The following HDAC8 variants were observed in gnomAD, a reference collection of about 807,000 sequenced individuals.
HDAC8 encodes histone deacetylase 8.
HDAC8 carries 1 observed loss-of-function variant against 32.2 expected under a neutral mutation model. The observed-to-expected ratio is 0.03, with a 90% CI of 0.01 to 0.15. The LOEUF is 0.15. HDAC8 is among the 10% of genes least tolerant of loss of function. The pLI, the probability that HDAC8 is intolerant of heterozygous loss-of-function variation, is 1.00. For synonymous variants in HDAC8, 108 were observed against 113.9 expected (o/e 0.95, Z 0.33); for missense variants, 117 against 300.0 (o/e 0.39, Z 4.51).
At chrX:72,547,208 A>G in intron 4 of HDAC8, among the ~76,000 whole-genome samples, 1 of 111,430 alleles carries the variant, frequency 9.0e-6, no homozygotes. Flanking sequence ...TTCACACTTC[A>G]GTACCTATCT....
rs781947250 is a variant in HDAC8 at position 72,329,695 on chromosome X, G to A, written c.*359C>T. ...CCTCCTGCCCTACAAACTGGTGACT[G>A]CTCTCATCCAGCTTCTGATCTGTTT... On this transcript the variant is annotated 3_prime_UTR_variant, in exon 11 of 11. Coordinates refer to ENST00000373573, the MANE Select transcript of HDAC8 (RefSeq NM_018486.3). The A allele has an allele frequency of 2.5e-6, 3 of 1,188,953 alleles. No individual in the cohort carries two copies. The South Asian group carries it at 5.6e-5, about 22-fold the overall frequency.
At chrX:72,396,407 G>A (rs2045763002) in intron 9 of HDAC8, among the ~76,000 whole-genome samples, 1 of 112,357 alleles carries the variant, frequency 8.9e-6, no homozygotes, top group South Asian at 3.7e-4. Flanking sequence ...GGGAGACTGT[G>A]TCTCTAAAGG....
At chrX:72,547,353 C>T (rs782597841) in intron 4 of HDAC8, among the ~76,000 whole-genome samples, 1 of 107,855 alleles carries the variant, frequency 9.3e-6, no homozygotes, top group East Asian at 2.9e-4. Context: ...TCAGCTGAAT[C>T]AACTGGAGCC....
At chrX:72,475,891 C>T (rs893789555) in intron 7 of HDAC8, among the ~76,000 whole-genome samples, 1 of 111,363 alleles carries the variant, frequency 9.0e-6, no homozygotes, top group South Asian at 3.8e-4. Flanking sequence ...ATTTTCGTAA[C>T]GTAATTTCTT....
chrX:72,429,483 T>C (rs1569291068), intron 9 of HDAC8, among the ~76,000 whole-genome samples: 1 of 112,237 alleles, frequency 8.9e-6, no homozygotes, highest in East Asian at 2.8e-4. Flanking sequence ...TCTTTTGCTA[T>C]TGGGCTAGGC....
At chrX:72,433,953 A>T (rs2046885247) in intron 9 of HDAC8, among the ~76,000 whole-genome samples, 1 of 112,422 alleles carries the variant, frequency 8.9e-6, no homozygotes, top group African/African-American at 3.2e-5. Context: ...AATAAATGTT[A>T]ATTCTTTTCT....
intron 4 of HDAC8, among the ~76,000 whole-genome samples, chrX:72,538,356 T>A (rs950550437): frequency 4.3e-4 from 47 of 109,954 alleles, no homozygotes; most frequent in African/African-American, 1.4e-3. Flanking sequence ...GTTAATTTTT[T>A]AATTTTTAGT....
chrX:72,439,769 G>C (rs782144207), intron 9 of HDAC8, among the ~76,000 whole-genome samples: 1 of 110,937 alleles, frequency 9.0e-6, no homozygotes, highest in East Asian at 2.8e-4. Flanking sequence ...AAAAAGAAGA[G>C]CTAACTATCC....
chrX:72,453,072 GA>G (rs782690634), intron 9 of HDAC8, among the ~76,000 whole-genome samples: 1 of 106,883 alleles, frequency 9.4e-6, no homozygotes, highest in South Asian at 4.1e-4. Context: ...GTGTACTGCA[GA>G]ATAAAAGATC....
intron 9 of HDAC8, among the ~76,000 whole-genome samples, chrX:72,429,910 A>AG (rs2046764764): frequency 8.9e-6 from 1 of 112,038 alleles, no homozygotes; most frequent in Admixed American, 9.5e-5. Flanking sequence ...TGCAGAAATG[A>AG]GGGCTTGGAA....
intron 4 of HDAC8, among the ~76,000 whole-genome samples, chrX:72,499,927 AT>A (rs1174434567): frequency 1.8e-5 from 2 of 111,731 alleles, no homozygotes; most frequent in African/African-American, 6.5e-5. Context: ...AATAAACACA[AT>A]TAGAAATGAT....
intron 9 of HDAC8, among the ~76,000 whole-genome samples, chrX:72,368,396 C>T (rs782019495): frequency 5.9e-5 from 6 of 101,397 alleles, no homozygotes; most frequent in East Asian, 3.1e-4. Context: ...CTCACTCTGT[C>T]GCCAGGCTGG....
chrX:72,501,999 G>A (rs1028052877), intron 4 of HDAC8, among the ~76,000 whole-genome samples: 7 of 111,891 alleles, frequency 6.3e-5, no homozygotes, highest in Non-Finnish European at 1.3e-4. Flanking sequence ...CATACATGCG[G>A]CCAACAAGCA....
chrX:72,494,296 T>G (rs1223806391), intron 5 of HDAC8, among the ~76,000 whole-genome samples: 4 of 110,484 alleles, frequency 3.6e-5, no homozygotes, highest in African/African-American at 1.3e-4. Flanking sequence ...GTTTTGGCAG[T>G]GGAGCTGACC....
chrX:72,479,773 T>C (rs782456984), intron 7 of HDAC8, among the ~76,000 whole-genome samples: 43 of 112,138 alleles, frequency 3.8e-4, no homozygotes, highest in Non-Finnish European at 7.0e-4. Context: ...ATAAGAACTG[T>C]CCCTCTAACC....
chrX:72,437,340 C>T (rs1555979620), intron 9 of HDAC8, among the ~76,000 whole-genome samples: 1 of 112,053 alleles, frequency 8.9e-6, no homozygotes, highest in African/African-American at 3.2e-5. Flanking sequence ...GACTTCACAA[C>T]CCACAGACCA....
At chrX:72,476,432 G>A (rs782693266) in intron 7 of HDAC8, among the ~76,000 whole-genome samples, 8 of 110,924 alleles carry the variant, frequency 7.2e-5, no homozygotes, top group Non-Finnish European at 1.5e-4. Flanking sequence ...ATTTGATCTG[G>A]GGTATGTCAT....
intron 9 of HDAC8, among the ~76,000 whole-genome samples, chrX:72,364,347 G>T (rs985656401): frequency 9.0e-6 from 1 of 111,047 alleles, no homozygotes; most frequent in Non-Finnish European, 1.9e-5. Context: ...GCAGGAGTTC[G>T]CGCCCTCTGT....
chrX:72,526,049 T>C (rs1176904322), intron 4 of HDAC8, among the ~76,000 whole-genome samples: 1 of 109,860 alleles, frequency 9.1e-6, no homozygotes, highest in Non-Finnish European at 1.9e-5. Flanking sequence ...CTGGGCAACA[T>C]AGTGAGACCT....
Sources: allele counts gnomAD v4.1 joint callset (sites outside exome capture counted in the v4.1 genomes callset), GRCh38; gene constraint gnomAD v4.1.1; transcripts MANE v1.5; gene names NCBI Gene and HGNC (gene_info 2026-07-23, HGNC 2026-07-21).